Variants in PCDHGA5 observed in about 807,000 individuals in gnomAD.
The protein encoded by PCDHGA5 is protocadherin gamma-A5.
Under a neutral mutation model 56.7 loss-of-function variants are expected in PCDHGA5, and 36 were observed. The ratio of observed to expected loss-of-function variants is 0.64; its 90% CI spans 0.49 to 0.84. The LOEUF is 0.84. PCDHGA5 is among the 40% of genes least tolerant of loss of function. The probability of loss-of-function intolerance (pLI) is 0.00; values close to 1 mark genes in which losing one functional copy is unlikely to be tolerated. For synonymous variants in PCDHGA5, 563 were observed against 520.2 expected (o/e 1.08, Z -1.12); for missense variants, 1,305 against 1,201.5 (o/e 1.09, Z -1.27).
chr5:141,413,224 C>G, intron 1 of PCDHGA5: 1 of 1,613,790 alleles, frequency 6.2e-7, no homozygotes, highest in Non-Finnish European at 8.5e-7. Context: ...TTGCAGCGGG[C>G]TGGTCCTGCT....
At chr5:141,441,635 G>T in intron 1 of PCDHGA5, 1 of 226,720 alleles carries the variant, frequency 4.4e-6, no homozygotes, top group Non-Finnish European at 8.9e-6. Flanking sequence ...TGGAGCCACA[G>T]GCGCTGTGAT....
intron 1 of PCDHGA5, chr5:141,398,793 A>C (rs376843278): frequency 6.2e-7 from 1 of 1,613,948 alleles, no homozygotes; most frequent in African/African-American, 1.3e-5. Context: ...ATCCACCCCT[A>C]AGCGGCACCA....
chr5:141,495,465 G>T (rs563411010), intron 2 of PCDHGA5, among the ~76,000 whole-genome samples: 11 of 152,298 alleles, frequency 7.2e-5, no homozygotes, highest in African/African-American at 2.4e-4. Flanking sequence ...TGTCTGTGGG[G>T]TCTCCGTGTC....
chr5:141,375,640 C>T (rs1375647493), intron 1 of PCDHGA5: 1 of 1,614,226 alleles, frequency 6.2e-7, no homozygotes, highest in Non-Finnish European at 8.5e-7. Flanking sequence ...CCCTGCGCTC[C>T]TTCGACTATG....
chr5:141,406,553 C>T (rs990498102), intron 1 of PCDHGA5, among the ~76,000 whole-genome samples: 1 of 152,150 alleles, frequency 6.6e-6, no homozygotes, highest in African/African-American at 2.4e-5. Flanking sequence ...CTTCAGTTAT[C>T]CACTTCCAAA....
Position 141,366,698 on chromosome 5 carries a change from C to G in PCDHGA5, c.2368C>G (p.Pro790Ala). 1 of 1,614,234 alleles carries G rather than the reference C, an allele frequency of 6.2e-7. No individual in the cohort carries two copies. Among genetic ancestry groups the G allele is most frequent in the Non-Finnish European group, 8.5e-7 (1 of 1,180,032 alleles). ...LSEESCEKSE[P>A]LLMSDKVDAN... Reference sequence around the variant, plus strand: ...TGAAGAGAGCTGTGAGAAAAGCGAGCCTCTTCTGATGTCTGATAAGGTAGA... The same window carrying G: ...TGAAGAGAGCTGTGAGAAAAGCGAGGCTCTTCTGATGTCTGATAAGGTAGA... The change falls in exon 1 of 4, where the codon CCT becomes GCT. Residue 790 changes from proline to alanine, a missense_variant. Pro to Ala is a conservative substitution (Grantham distance 27, BLOSUM62 -1). Coordinates refer to ENST00000518069, the MANE Select transcript of PCDHGA5 (RefSeq NM_018918.3).
intron 1 of PCDHGA5, chr5:141,415,059 C>A: frequency 1.2e-6 from 2 of 1,613,396 alleles, no homozygotes; most frequent in Non-Finnish European, 1.7e-6. Flanking sequence ...AGCACACGGG[C>A]GAGGTGCGCA....
chr5:141,405,333 CTGTT>C (rs1203111813), intron 1 of PCDHGA5: 18 of 1,614,204 alleles, frequency 1.1e-5, no homozygotes, highest in Non-Finnish European at 1.4e-5. Flanking sequence ...TTGTGCGTCT[CTGTT>C]GATTCCAAGT....
At chr5:141,452,909 TAC>T (rs1370071626) in intron 1 of PCDHGA5, among the ~76,000 whole-genome samples, 2 of 152,232 alleles carry the variant, frequency 1.3e-5, no homozygotes, top group African/African-American at 4.8e-5. Context: ...GTTGGCATTA[TAC>T]AGTAAGAAAG....
intron 2 of PCDHGA5, among the ~76,000 whole-genome samples, chr5:141,502,866 C>CTTTTT (rs549047197): frequency 1.6e-5 from 2 of 128,044 alleles, no homozygotes; most frequent in Non-Finnish European, 1.6e-5. Flanking sequence ...GACTCTCTGT[C>CTTTTT]TTTTTTTTTT....
chr5:141,393,720 A>G (rs371093729), intron 1 of PCDHGA5: 2 of 1,613,770 alleles, frequency 1.2e-6, no homozygotes, highest in African/African-American at 1.3e-5. Context: ...GGAAATATCA[A>G]TAGCAAAAAG....
intron 1 of PCDHGA5, chr5:141,398,682 A>G (rs767093587): frequency 1.4e-5 from 23 of 1,613,842 alleles, no homozygotes; most frequent in Non-Finnish European, 1.9e-5. Flanking sequence ...TTAAGGAGAA[A>G]CAGGATGGTA....
At chr5:141,418,899 T>C (rs1320380997) in intron 1 of PCDHGA5, 1 of 1,613,944 alleles carries the variant, frequency 6.2e-7, no homozygotes. Flanking sequence ...AGCCCAGAAA[T>C]AATCATCACG....
Position 141,366,194 on chromosome 5 carries a change from C to T in PCDHGA5, c.1864C>T (p.His622Tyr), listed in dbSNP as rs559944832. 5.0e-6 allele frequency: 8 copies of T among 1,613,936 alleles called. No homozygotes were observed. In the African/African-American group the frequency reaches 6.7e-5, roughly 13 times the overall value. Residue 622 changes from histidine to tyrosine, a missense_variant, in exon 1 of 4, where the codon CAC becomes TAC. His to Tyr is a moderately conservative substitution (Grantham distance 83). Transcript: ENST00000518069. ...GCCAGGACTCTTTGCGGTTGGGCTG[C>T]ACACGGGCGAGGTGCGCACAGCGCG... ...SEPGLFAVGL[H>Y]TGEVRTARAL...
At chr5:141,421,824 A>G in intron 1 of PCDHGA5, 1 of 1,613,768 alleles carries the variant, frequency 6.2e-7, no homozygotes, top group Non-Finnish European at 8.5e-7. Flanking sequence ...TACTGGAGGG[A>G]AGCCTGGACC....
Position 141,485,057 on chromosome 5 carries a change from C to A in PCDHGA5, c.2422-9750C>A, listed in dbSNP as rs2099605934. ...GTAACCCTTGCGGCGCCGGCCGAACCGCGCCAGAGCTGGCGCGGGGAAAGG... is the reference window on the plus strand; with the variant it reads ...GTAACCCTTGCGGCGCCGGCCGAACAGCGCCAGAGCTGGCGCGGGGAAAGG... On this transcript the variant is annotated intron_variant, in intron 1 of 3. Coordinates refer to ENST00000518069, the MANE Select transcript of PCDHGA5 (RefSeq NM_018918.3). The surrounding 1 kb of genome is among the most constrained non-coding windows in gnomAD (Gnocchi z 5.7). The A allele has an allele frequency of 2.4e-6, 2 of 843,718 alleles. No homozygotes were observed. Among genetic ancestry groups the A allele is most frequent in the South Asian group, 1.7e-5 (1 of 59,950 alleles). 52.3% of individuals were successfully genotyped at this position (843,718 alleles called of 1,614,324 possible).
chr5:141,482,049 C>G (rs1456071625), intron 1 of PCDHGA5, among the ~76,000 whole-genome samples: 2 of 149,284 alleles, frequency 1.3e-5, no homozygotes, highest in Non-Finnish European at 3.0e-5. Context: ...CATGCTGTTG[C>G]ATTCCAGCCT....
At chr5:141,478,090 C>T in intron 1 of PCDHGA5, 2 of 1,614,108 alleles carry the variant, frequency 1.2e-6, no homozygotes, top group Non-Finnish European at 1.7e-6. Flanking sequence ...CGCTCTCCAC[C>T]ACTGCTACCC....
chr5:141,491,602 A>T lies in PCDHGA5; in HGVS notation c.2422-3205A>T. On this transcript the variant is annotated intron_variant, in intron 1 of 3. Transcript: ENST00000518069. The surrounding 1 kb of genome is among the most constrained non-coding windows in gnomAD (Gnocchi z 6.9). ...ACCGGCCTCGGACGGCAGTGACTTC[A>T]CTTTTCTAAGACCCCTCAGCGTTCA... is the stretch of plus-strand genomic sequence containing the variant. The T allele has an allele frequency of 6.2e-7, 1 of 1,613,838 alleles. No individual in the cohort carries two copies. Among genetic ancestry groups the T allele is most frequent in the Non-Finnish European group, 8.5e-7 (1 of 1,180,016 alleles).
Sources: gnomAD v4.1 joint callset for allele counts (sites outside exome capture counted in the v4.1 genomes callset) on GRCh38, gnomAD v4.1.1 for gene constraint, Gnocchi (gnomAD v3.1) non-coding constraint, MANE v1.5 for transcripts, NCBI Gene and HGNC (gene_info 2026-07-23, HGNC 2026-07-21) for gene names.